Variants in LRCH2 observed in about 807,000 individuals in gnomAD.
LRCH2 encodes the protein leucine-rich repeat and calponin homology domain-containing protein 2.
In LRCH2, 38 loss-of-function variants were observed where a neutral mutation model predicts 68.9. The ratio of observed to expected loss-of-function variants is 0.55; its 90% CI spans 0.43 to 0.72. The LOEUF is 0.72. LRCH2 is among the 30% of genes least tolerant of loss of function. The pLI, the probability that LRCH2 is intolerant of heterozygous loss-of-function variation, is 0.00. For synonymous variants in LRCH2, 191 were observed against 208.1 expected, an observed-to-expected ratio of 0.92 and a Z score of 0.71; for missense variants, 528 against 572.9, an observed-to-expected ratio of 0.92 and a Z score of 0.80.
At chrX:115,148,205 T>C (rs1455513172) in intron 14 of LRCH2, among the ~76,000 whole-genome samples, 4 of 112,607 alleles carry the variant, frequency 3.6e-5, no homozygotes, top group African/African-American at 1.3e-4. Context: ...CTGCCACTTA[T>C]TACTAAGTGA....
intron 1 of LRCH2, among the ~76,000 whole-genome samples, chrX:115,211,227 T>C (rs782021618): frequency 8.9e-6 from 1 of 111,736 alleles, no homozygotes; most frequent in African/African-American, 3.2e-5. Context: ...AATTCCCATG[T>C]GTTGTGGGAG....
intron 1 of LRCH2, among the ~76,000 whole-genome samples, chrX:115,219,710 A>C (rs992454694): frequency 2.9e-4 from 33 of 112,104 alleles, no homozygotes; most frequent in African/African-American, 1.0e-3. Flanking sequence ...CTGTGCCTGA[A>C]GGAAACTCCC....
chrX:115,138,816 T>C (rs1345215237), intron 14 of LRCH2, among the ~76,000 whole-genome samples: 2 of 112,219 alleles, frequency 1.8e-5, no homozygotes, highest in Non-Finnish European at 3.8e-5. Context: ...ACCTAATATA[T>C]ACATAGATTT....
chrX:115,122,971 T>C, intron 18 of LRCH2, 74 bp from the exon 19 acceptor site: 2 of 1,087,353 alleles, frequency 1.8e-6, no homozygotes, highest in South Asian at 4.1e-5. Context: ...CTAATTGTTG[T>C]ATATCCAAAC....
intron 1 of LRCH2, among the ~76,000 whole-genome samples, chrX:115,215,788 AAAAC>A (rs1253344896): frequency 2.8e-5 from 3 of 107,977 alleles, no homozygotes; most frequent in African/African-American, 3.4e-5. Context: ...AAAAAAAAAA[AAAAC>A]ATAATTCATT....
In LRCH2 at chrX:115,137,518, G is replaced by A. The variant is rs140166745; in HGVS notation, c.1696-7319C>T. On this transcript the variant is annotated intron_variant, in intron 14 of 20. Coordinates refer to ENST00000317135, the MANE Select transcript of LRCH2 (RefSeq NM_020871.4). ...AGAAGGACATCAAAATGATAACAGG[G>A]AAGAAAAATGAGATAGAAACCAAGA... Among the ~76,000 whole-genome samples the A allele has an allele frequency of 5.7e-3, 624 of 109,430 alleles. 6 individuals carry two copies. Among genetic ancestry groups the A allele is most frequent in the African/African-American group, 0.02 (596 of 30,152 alleles).
Position 115,123,120 on chromosome X carries a change from T to A in LRCH2, c.1922A>T (p.His641Leu). Reference sequence around the variant, plus strand: ...TATTTGCTCTCGCTCTTCCCGTAAATGTTCCATCTTTCTTCTCATTGTAAA... The same window carrying A: ...TATTTGCTCTCGCTCTTCCCGTAAAAGTTCCATCTTTCTTCTCATTGTAAA... ...PGFTMRRKME[H>L]LREEREQIRQ... Residue 641 changes from histidine (H) to leucine (L), a missense_variant, in exon 18 of 21, where the codon CAT (histidine) becomes CTT (leucine). Coordinates refer to ENST00000317135, the MANE Select transcript of LRCH2 (RefSeq NM_020871.4). 8.3e-7 allele frequency: 1 copy of A among 1,210,650 alleles called. No individual in the cohort carries two copies. The highest frequency in any genetic ancestry group is 1.1e-6 in the Non-Finnish European group (1 of 895,008).
rs782796878 is a variant in LRCH2 at position 115,165,347 on chromosome X, A to C, written c.1355+58T>G. On this transcript the variant is annotated intron_variant, in intron 10 of 20. Coordinates refer to ENST00000317135, the MANE Select transcript of LRCH2 (RefSeq NM_020871.4). ...TTTTCAAGTACTCTTTCAAGTAGGA[A>C]TATCTAATGAATGGCTCAAGGGCTT... The C allele has an allele frequency of 1.3e-5, 11 of 821,653 alleles. No individual in the cohort carries two copies. The Admixed American group carries it at 3.9e-4, about 29-fold the overall frequency. 67.7% of individuals were successfully genotyped at this position (821,653 alleles called of 1,213,427 possible).
chrX:115,169,071 C>A (rs1186782474), intron 6 of LRCH2, among the ~76,000 whole-genome samples: 1 of 112,240 alleles, frequency 8.9e-6, no homozygotes, highest in African/African-American at 3.2e-5. Flanking sequence ...GCCTAAGATG[C>A]TCTTACTTTG....
intron 14 of LRCH2, among the ~76,000 whole-genome samples, chrX:115,132,551 T>C (rs1248093751): frequency 1.8e-5 from 2 of 112,018 alleles, no homozygotes; most frequent in Admixed American, 1.9e-4. Context: ...ACCAACCTGA[T>C]ATCTCAGCCA....
At chrX:115,123,302 C>T (rs1241540448) in intron 17 of LRCH2, 110 bp from the exon 18 acceptor site, 4 of 496,434 alleles carry the variant, frequency 8.1e-6, no homozygotes, top group East Asian at 7.6e-5. Context: ...AATATTATTA[C>T]TCACTAATAC....
At chrX:115,201,255 A>G (rs2072928062) in intron 1 of LRCH2, among the ~76,000 whole-genome samples, 1 of 111,926 alleles carries the variant, frequency 8.9e-6, no homozygotes, top group Non-Finnish European at 1.9e-5. Context: ...CACAACACAT[A>G]GGAATTATGG....
Position 115,165,393 on chromosome X carries a change from A to T in LRCH2, c.1355+12T>A. On this transcript the variant is annotated intron_variant, in intron 10 of 20. Transcript: ENST00000317135. Reference sequence around the variant, plus strand: ...GGCTTATAAATAACATTTCATTTTCATATGTGCTTACCTTTTTTCATCTCC... The same window carrying T: ...GGCTTATAAATAACATTTCATTTTCTTATGTGCTTACCTTTTTTCATCTCC... The T allele has an allele frequency of 9.1e-7, 1 of 1,093,208 alleles. No individual in the cohort carries two copies. The highest frequency in any genetic ancestry group is 1.2e-6 in the Non-Finnish European group (1 of 814,761). 90.1% of individuals were successfully genotyped at this position (1,093,208 alleles called of 1,213,427 possible).
intron 14 of LRCH2, chrX:115,138,949 T>G (rs782796885): frequency 8.9e-6 from 1 of 112,246 alleles, no homozygotes; most frequent in South Asian, 3.7e-4. Context: ...AATAAAGGCC[T>G]AGTTTAAAAA....
At chrX:115,219,960 TAC>T (rs1294124098) in intron 1 of LRCH2, among the ~76,000 whole-genome samples, 7 of 111,849 alleles carry the variant, frequency 6.3e-5, no homozygotes, top group African/African-American at 2.3e-4. Flanking sequence ...GGCATTGTCC[TAC>T]ACACAAATAG....
intron 1 of LRCH2, among the ~76,000 whole-genome samples, chrX:115,228,976 G>A (rs1556577396): frequency 1.8e-5 from 2 of 110,774 alleles, no homozygotes; most frequent in South Asian, 3.7e-4. Flanking sequence ...TTTGACTATT[G>A]TATAAATCCT....
At chrX:115,195,228 G>C (rs1334203614) in intron 1 of LRCH2, among the ~76,000 whole-genome samples, 1 of 108,853 alleles carries the variant, frequency 9.2e-6, no homozygotes, top group Non-Finnish European at 1.9e-5. Context: ...AGATTGCAGT[G>C]AGCCGAGATC....
chrX:115,124,503 T>G (rs1334428714), intron 16 of LRCH2, among the ~76,000 whole-genome samples: 5 of 111,909 alleles, frequency 4.5e-5, no homozygotes, highest in African/African-American at 1.6e-4. Flanking sequence ...CACACAGTGG[T>G]TTGCTATGGA....
chrX:115,150,833 C>T (rs887960578), intron 12 of LRCH2, among the ~76,000 whole-genome samples: 8 of 110,112 alleles, frequency 7.3e-5, no homozygotes, highest in Non-Finnish European at 1.5e-4. Context: ...GAAAAACATA[C>T]AAAAGTTAAT....
Sources: allele counts gnomAD v4.1 joint callset (sites outside exome capture counted in the v4.1 genomes callset), GRCh38; gene constraint gnomAD v4.1.1; transcripts MANE v1.5; gene names NCBI Gene and HGNC (gene_info 2026-07-23, HGNC 2026-07-21).